SIRT5: variants seen among roughly 807,000 people sequenced by gnomAD.
The protein encoded by SIRT5 is NAD-dependent protein deacylase sirtuin-5, mitochondrial.
SIRT5 carries 26 observed loss-of-function variants against 40.0 expected under a neutral mutation model. That is an observed-to-expected ratio of 0.65 (90% CI 0.48 to 0.90). SIRT5 has a LOEUF of 0.90. SIRT5 is among the 40% of genes least tolerant of loss of function. SIRT5 has a pLI of 0.00. For missense variants in SIRT5, 401 were observed against 402.4 expected, an observed-to-expected ratio of 1.00 and a Z score of 0.03; for synonymous variants, 146 against 149.1, an observed-to-expected ratio of 0.98 and a Z score of 0.15.
chr6:13,592,051 C>T (rs563094659), intron 5 of SIRT5, among the ~76,000 whole-genome samples, 157 bp downstream of exon 5: 146 of 152,246 alleles, frequency 9.6e-4, no homozygotes, highest in African/African-American at 3.3e-3. Flanking sequence ...GTTAGTGTCC[C>T]GTGGCACCTG....
intron 9 of SIRT5, among the ~76,000 whole-genome samples, chr6:13,609,832 C>T (rs1763601607): frequency 6.6e-6 from 1 of 152,178 alleles, no homozygotes; most frequent in African/African-American, 2.4e-5. Flanking sequence ...TTATTCTGAT[C>T]CAAAGAATCG....
intron 9 of SIRT5, among the ~76,000 whole-genome samples, chr6:13,602,312 G>A (rs987230023): frequency 9.2e-5 from 14 of 152,126 alleles, no homozygotes; most frequent in African/African-American, 3.1e-4. Context: ...AAATGAAGTT[G>A]GAGAACTCAT....
At chr6:13,588,185 G>A (rs1760328020) in intron 3 of SIRT5, 146 bp from the exon 4 acceptor site, 3 of 997,716 alleles carry the variant, frequency 3.0e-6, no homozygotes, top group East Asian at 2.7e-5. Flanking sequence ...GTCACATGGG[G>A]ATGGTGTTTT....
intron 4 of SIRT5, among the ~76,000 whole-genome samples, chr6:13,590,769 G>A (rs569300944): frequency 1.3e-5 from 2 of 151,400 alleles, no homozygotes; most frequent in African/African-American, 2.4e-5. Flanking sequence ...GTATGTAGAT[G>A]TGTGTATATG....
In SIRT5 at chr6:13,611,971, AGCCT is replaced by A; in HGVS notation, c.*107_*110del. The A allele has an allele frequency of 9.5e-7, 1 of 1,053,784 alleles. No individual in the cohort carries two copies. The highest frequency in any genetic ancestry group is 1.4e-6 in the Non-Finnish European group (1 of 711,466). The allele number at this position is 1,053,784 out of a possible 1,614,324, so 65.3% of individuals were successfully genotyped here. A position where few individuals can be genotyped will look rare whatever the true frequency, so the allele number is the denominator to read the frequency against. On this transcript the variant is annotated 3_prime_UTR_variant, in exon 10 of 10. Coordinates refer to ENST00000606117, the MANE Select transcript of SIRT5 (RefSeq NM_012241.5). ...GCTGAGTACTGAACAATCTAAAAAT[AGCCT>A]CTGATTCCCTCGCTGGAATCCAACC...
intron 7 of SIRT5, among the ~76,000 whole-genome samples, chr6:13,597,544 A>C (rs1450492128): frequency 7.1e-6 from 1 of 140,920 alleles, no homozygotes; most frequent in Admixed American, 7.0e-5. Flanking sequence ...TGTTGTGTTT[A>C]TTTTATTTTA....
At chr6:13,595,747 G>A (rs1378374443) in intron 6 of SIRT5, among the ~76,000 whole-genome samples, 183 bp downstream of exon 6, 1 of 152,022 alleles carries the variant, frequency 6.6e-6, no homozygotes, top group African/African-American at 2.4e-5. Context: ...ACAAGGTGGG[G>A]AGACTGCTTG....
rs550972883 is a variant in SIRT5, at chr6:13,612,107, T to G, written c.*242T>G. On this transcript the variant is annotated 3_prime_UTR_variant, in exon 10 of 10. Transcript: ENST00000606117. ...ATTTGGTTTGAACTGAAACGTGAGG[T>G]ATCTTTGATGTGTATGGTTGGTTAT... 13 of 353,414 alleles carry G rather than the reference T, an allele frequency of 3.7e-5. No individual in the cohort carries two copies. The highest frequency in any genetic ancestry group is 2.0e-4 in the African/African-American group (10 of 48,828). The allele number at this position is 353,414 out of a possible 1,614,324, so 21.9% of individuals were successfully genotyped here.
chr6:13,590,810 TGTA>T (rs1002930767), intron 4 of SIRT5, among the ~76,000 whole-genome samples: 2 of 152,026 alleles, frequency 1.3e-5, no homozygotes, highest in Non-Finnish European at 2.9e-5. Context: ...TGTGTGTGTG[TGTA>T]GTTGTGTGTG....
chr6:13,575,852 C>G (rs1470690052), intron 1 of SIRT5, among the ~76,000 whole-genome samples: 3 of 152,320 alleles, frequency 2.0e-5, no homozygotes, highest in South Asian at 4.1e-4. Context: ...TTCTACTCTG[C>G]TTCTATGAGT....
intron 5 of SIRT5, among the ~76,000 whole-genome samples, chr6:13,594,330 A>C (rs189899783): frequency 1.3e-5 from 2 of 152,324 alleles, no homozygotes; most frequent in Admixed American, 6.5e-5. Flanking sequence ...GTCTATGCTA[A>C]AACTGACAAA....
intron 3 of SIRT5, among the ~76,000 whole-genome samples, chr6:13,586,714 G>C (rs970108794): frequency 6.6e-6 from 1 of 152,290 alleles, no homozygotes; most frequent in East Asian, 1.9e-4. Flanking sequence ...AGAGAGGAAG[G>C]GAAGGGGAGG....
chr6:13,611,252 CACACACATAT>C (rs1763872938), intron 9 of SIRT5, among the ~76,000 whole-genome samples: 1 of 142,122 alleles, frequency 7.0e-6, no homozygotes, highest in Admixed American at 7.3e-5. Flanking sequence ...CACACATACA[CACACACATAT>C]ATATACACAC....
At chr6:13,611,242 CACACAT>C (rs1367371484) in intron 9 of SIRT5, among the ~76,000 whole-genome samples, 3 of 129,798 alleles carry the variant, frequency 2.3e-5, no homozygotes, top group African/African-American at 6.3e-5. Flanking sequence ...TATATACACA[CACACAT>C]ACACACACAC....
intron 2 of SIRT5, among the ~76,000 whole-genome samples, chr6:13,580,387 A>G (rs1270592774): frequency 6.6e-6 from 1 of 152,190 alleles, no homozygotes; most frequent in Non-Finnish European, 1.5e-5. Flanking sequence ...GTGTTGAAAA[A>G]AATCACAAAA....
At chr6:13,610,209 G>C (rs560908245) in intron 9 of SIRT5, among the ~76,000 whole-genome samples, 1 of 152,068 alleles carries the variant, frequency 6.6e-6, no homozygotes, top group South Asian at 2.1e-4. Flanking sequence ...AGCCTCAAGC[G>C]ATCCTCCTGC....
At chr6:13,587,524 C>T (rs992220252) in intron 3 of SIRT5, among the ~76,000 whole-genome samples, 6 of 152,176 alleles carry the variant, frequency 3.9e-5, no homozygotes, top group Admixed American at 2.0e-4. Context: ...CCTTGTGATC[C>T]ACGTAAAGTG....
chr6:13,580,961 C>CT (rs944340888), intron 2 of SIRT5, among the ~76,000 whole-genome samples: 11 of 151,968 alleles, frequency 7.2e-5, no homozygotes, highest in Non-Finnish European at 1.5e-4. Context: ...ATGGCTGGCC[C>CT]TTTTTTTTCT....
intron 9 of SIRT5, among the ~76,000 whole-genome samples, chr6:13,611,226 TATATATATATAC>T (rs1161870170): frequency 1.5e-5 from 2 of 131,456 alleles, no homozygotes; most frequent in African/African-American, 3.0e-5. Context: ...TATATATATA[TATATATATATAC>T]ACACACACAT....
Sources: gnomAD v4.1 joint callset for allele counts (sites outside exome capture counted in the v4.1 genomes callset) on GRCh38, gnomAD v4.1.1 for gene constraint, MANE v1.5 for transcripts, NCBI Gene and HGNC (gene_info 2026-07-23, HGNC 2026-07-21) for gene names.